The following XPR1 variants were observed in gnomAD, a reference collection of about 807,000 sequenced individuals.
XPR1 encodes the protein xenotropic and polytropic retrovirus receptor 1.
Under a neutral mutation model 87.5 loss-of-function variants are expected in XPR1, and 28 were observed. The ratio of observed to expected loss-of-function variants is 0.32; its 90% CI spans 0.24 to 0.44. XPR1 has a LOEUF of 0.44. XPR1 is among the 20% of genes least tolerant of loss of function. XPR1 has a pLI of 1.00. For synonymous variants in XPR1, 300 were observed against 306.1 expected, an observed-to-expected ratio of 0.98 and a Z score of 0.21; for missense variants, 559 against 862.3, an observed-to-expected ratio of 0.65 and a Z score of 4.41.
chr1:180,781,951 GTCTGTCATCCACAAATGCA>G (rs1416754596), intron 2 of XPR1, among the ~76,000 whole-genome samples: 2 of 151,948 alleles, frequency 1.3e-5, no homozygotes, highest in East Asian at 1.9e-4. Context: ...GAAAGCAATT[GTCTGTCATCCACAAATGCA>G]AGGTGGAGAT....
Position 180,646,649 on chromosome 1 carries a change from T to C in XPR1, c.69+14379T>C, listed in dbSNP as rs894224804. Reference sequence around the variant, plus strand: ...CTCTGCTGTCTCATCATTGGGTCTTTTCCCCTATTCAAAGAAGCTCTCTGC... The same window carrying C: ...CTCTGCTGTCTCATCATTGGGTCTTCTCCCCTATTCAAAGAAGCTCTCTGC... On this transcript the variant is annotated intron_variant, in intron 1 of 14. Coordinates refer to ENST00000367590, the MANE Select transcript of XPR1 (RefSeq NM_004736.4). 6.6e-5 allele frequency among the ~76,000 whole-genome samples: 10 copies of C among 152,346 alleles called. No individual in the cohort carries two copies. In the East Asian group the frequency reaches 1.9e-3, roughly 29 times the overall value.
intron 1 of XPR1, among the ~76,000 whole-genome samples, chr1:180,658,320 C>T (rs1439279875): frequency 6.6e-6 from 1 of 152,124 alleles, no homozygotes; most frequent in Admixed American, 6.5e-5. Flanking sequence ...ACTTCTAGTG[C>T]TATGTTGGAC....
intron 2 of XPR1, among the ~76,000 whole-genome samples, chr1:180,721,773 T>C (rs764291283): frequency 5.3e-5 from 8 of 152,226 alleles, no homozygotes; most frequent in Non-Finnish European, 1.2e-4. Flanking sequence ...TAAAGATTTT[T>C]ATAGTAACCA....
intron 2 of XPR1, among the ~76,000 whole-genome samples, chr1:180,773,960 T>A (rs541792250): frequency 1.1e-4 from 17 of 152,340 alleles, no homozygotes; most frequent in South Asian, 4.1e-4. Context: ...AAACTTTTTT[T>A]AAAAATTGCA....
chr1:180,818,211 A>G (rs1650483290), intron 7 of XPR1, among the ~76,000 whole-genome samples: 1 of 152,190 alleles, frequency 6.6e-6, no homozygotes, highest in South Asian at 2.1e-4. Context: ...TTCTTTTCCT[A>G]TACACATACA....
chr1:180,644,135 A>T (rs1323131302), intron 1 of XPR1, among the ~76,000 whole-genome samples: 1 of 152,232 alleles, frequency 6.6e-6, no homozygotes. Flanking sequence ...TTCACATTCT[A>T]GGCTAAAATA....
rs192776727 is a variant in XPR1 at position 180,796,876 on chromosome 1, T to A, written c.224-6512T>A. On this transcript the variant is annotated intron_variant, in intron 3 of 14. Transcript: ENST00000367590. The stretch of plus-strand genomic sequence containing the variant: ...CATTATGATACAAAATGGATGAAAC[T>A]CAAAATCATCCTGCTAAGTTAAAGA... Among the ~76,000 whole-genome samples, 48 of 152,292 alleles carry A rather than the reference T, an allele frequency of 3.2e-4. No homozygotes were observed. In the East Asian group the frequency reaches 7.5e-3, roughly 24 times the overall value.
In XPR1 at chr1:180,889,379, C is replaced by T. The variant is rs1273104923; in HGVS notation, c.*5313C>T. The T allele has an allele frequency of 6.6e-6, 1 of 152,204 alleles. No homozygotes were observed. The highest frequency in any genetic ancestry group is 2.4e-5 in the African/African-American group (1 of 41,448). The allele number at this position is 152,204 out of a possible 1,614,324, so 9.4% of individuals were successfully genotyped here. Reference sequence around the variant, plus strand: ...CATATTACCTTAGTTCTTCCTATGCCCTTTCCTCTGTGCCACCACAAATCA... The same window carrying T: ...CATATTACCTTAGTTCTTCCTATGCTCTTTCCTCTGTGCCACCACAAATCA... On this transcript the variant is annotated 3_prime_UTR_variant, in exon 15 of 15. Coordinates refer to ENST00000367590, the MANE Select transcript of XPR1 (RefSeq NM_004736.4).
intron 11 of XPR1, among the ~76,000 whole-genome samples, chr1:180,853,787 T>G (rs531256004): frequency 8.3e-6 from 1 of 120,996 alleles, no homozygotes; most frequent in Non-Finnish European, 1.8e-5. Flanking sequence ...AGTGCATTCA[T>G]GTGGTTTTTT....
chr1:180,722,244 C>T (rs1034446088), intron 2 of XPR1, among the ~76,000 whole-genome samples: 118 of 152,080 alleles, frequency 7.8e-4, no homozygotes, highest in African/African-American at 2.4e-3. Flanking sequence ...TACAGGAGCC[C>T]GCCACCACAC....
chr1:180,880,656 C>G (rs908012098), intron 14 of XPR1, among the ~76,000 whole-genome samples: 2 of 152,232 alleles, frequency 1.3e-5, no homozygotes, highest in Non-Finnish European at 2.9e-5. Flanking sequence ...ATGCCTTGAC[C>G]AAATGACTTA....
At chr1:180,674,842 A>C (rs1656313009) in intron 1 of XPR1, among the ~76,000 whole-genome samples, 1 of 152,338 alleles carries the variant, frequency 6.6e-6, no homozygotes, top group Non-Finnish European at 1.5e-5. Flanking sequence ...TGACACAGTA[A>C]TATAGCCATT....
chr1:180,665,614 G>A (rs1205409660), intron 1 of XPR1, among the ~76,000 whole-genome samples: 1 of 152,196 alleles, frequency 6.6e-6, no homozygotes, highest in African/African-American at 2.4e-5. Context: ...GGTGCTGGCT[G>A]AATTCAGCCC....
At chr1:180,705,953 A>G (rs1217206479) in intron 2 of XPR1, among the ~76,000 whole-genome samples, 1 of 152,218 alleles carries the variant, frequency 6.6e-6, no homozygotes, top group Admixed American at 6.5e-5. Flanking sequence ...AAGCATGGTT[A>G]ACATTTAGAT....
At chr1:180,657,509 T>C (rs530454850) in intron 1 of XPR1, among the ~76,000 whole-genome samples, 1 of 152,268 alleles carries the variant, frequency 6.6e-6, no homozygotes, top group East Asian at 1.9e-4. Context: ...TCTGCATGGG[T>C]ATATCCAGTT....
intron 1 of XPR1, among the ~76,000 whole-genome samples, chr1:180,672,083 A>C (rs1478876859): frequency 6.6e-6 from 1 of 152,230 alleles, no homozygotes; most frequent in Non-Finnish European, 1.5e-5. Context: ...CCACATGGAA[A>C]GAATAAAAGC....
At chr1:180,816,680 C>T (rs780414234) in intron 7 of XPR1, among the ~76,000 whole-genome samples, 10 of 152,174 alleles carry the variant, frequency 6.6e-5, no homozygotes, top group Non-Finnish European at 1.5e-4. Flanking sequence ...GCCATCATAG[C>T]ATAACACATT....
intron 1 of XPR1, among the ~76,000 whole-genome samples, chr1:180,670,563 C>T (rs1015344853): frequency 6.6e-6 from 1 of 152,060 alleles, no homozygotes; most frequent in Non-Finnish European, 1.5e-5. Flanking sequence ...ATACTGTGTG[C>T]CCAGAAACTT....
At chr1:180,803,274 T>C (rs1649861879) in intron 3 of XPR1, 114 bp from the exon 4 acceptor site, 2 of 957,934 alleles carry the variant, frequency 2.1e-6, no homozygotes, top group Non-Finnish European at 3.0e-6. Context: ...ATATTACATG[T>C]AACGGTTTTC....
Sources: allele counts gnomAD v4.1 joint callset (sites outside exome capture counted in the v4.1 genomes callset), GRCh38; gene constraint gnomAD v4.1.1; transcripts MANE v1.5; gene names NCBI Gene and HGNC (gene_info 2026-07-23, HGNC 2026-07-21).